The following KAZN variants were observed in gnomAD, a reference collection of about 807,000 sequenced individuals.
The protein encoded by KAZN is kazrin.
KAZN carries 40 observed loss-of-function variants against 87.4 expected under a neutral mutation model. The observed-to-expected ratio is 0.46, with a 90% CI of 0.36 to 0.60. KAZN has a LOEUF of 0.60. KAZN is among the 20% of genes least tolerant of loss of function. KAZN has a pLI of 0.00. For synonymous variants in KAZN, 466 were observed against 458.3 expected, an observed-to-expected ratio of 1.02 and a Z score of -0.22; for missense variants, 898 against 1,073.9, an observed-to-expected ratio of 0.84 and a Z score of 2.29.
Position 15,066,900 on chromosome 1 carries a change from T to C in KAZN, c.1222+1147T>C. On this transcript the variant is annotated intron_variant, in intron 8 of 14. Transcript: ENST00000376030. The surrounding 1 kb of genome is among the most constrained non-coding windows in gnomAD (Gnocchi z 4.3). ...ACCCAGAGCTCCCTCCAGGCCTTTC[T>C]CTATATATTTATTTATCTGACATAC... The C allele has an allele frequency of 1.0e-6, 1 of 985,424 alleles. No homozygotes were observed. Among genetic ancestry groups the C allele is most frequent in the Non-Finnish European group, 1.2e-6 (1 of 829,960 alleles). 61.0% of individuals were successfully genotyped at this position (985,424 alleles called of 1,614,324 possible).
At chr1:14,946,377 G>A (rs1661794313) in intron 1 of KAZN, among the ~76,000 whole-genome samples, 1 of 136,586 alleles carries the variant, frequency 7.3e-6, no homozygotes, top group Admixed American at 7.9e-5. Flanking sequence ...TCGCTCTGTT[G>A]CCCAGGCTGG....
rs534050664 is a variant in KAZN, at chr1:13,914,456, A to G, written c.91+20700A>G. Among the ~76,000 whole-genome samples the G allele has an allele frequency of 8.5e-5, 13 of 152,364 alleles. No individual in the cohort carries two copies. The East Asian group carries it at 2.3e-3, about 27-fold the overall frequency. The stretch of plus-strand genomic sequence containing the variant: ...TACTGATATTTGCTAAAGCTCCTGC[A>G]CAGGCAGCATCCTGGTGGGTGGGGT... On this transcript the variant is annotated intron_variant, in intron 1 of 16. Transcript: ENST00000636203.
intron 1 of KAZN, among the ~76,000 whole-genome samples, chr1:14,761,468 G>GC (rs1382739882): frequency 6.6e-6 from 1 of 152,142 alleles, no homozygotes; most frequent in African/African-American, 2.4e-5. Flanking sequence ...AGCATCCTCA[G>GC]CCCGTAGCAC....
At chr1:14,065,645 C>G (rs1322980372) in intron 1 of KAZN, among the ~76,000 whole-genome samples, 1 of 151,910 alleles carries the variant, frequency 6.6e-6, no homozygotes, top group Non-Finnish European at 1.5e-5. Context: ...TCCAATTACT[C>G]CAGCAGGTTC....
chr1:14,165,183 C>T lies in KAZN; in HGVS notation c.92-15252C>T, dbSNP rs116084569. The stretch of plus-strand genomic sequence containing the variant: ...GTCCTAAAATGTGAGCTATGGCTTT[C>T]AACTTTCCTGCCTCTTTAGGACATT... On this transcript the variant is annotated intron_variant, in intron 1 of 16. Transcript: ENST00000636203. Among the ~76,000 whole-genome samples the T allele has an allele frequency of 7.0e-3, 1,063 of 151,724 alleles. 7 individuals are homozygous for T. The highest frequency in any genetic ancestry group is 0.023 in the African/African-American group (972 of 41,370).
intron 2 of KAZN, among the ~76,000 whole-genome samples, chr1:15,012,192 G>C (rs570704903): frequency 6.6e-6 from 1 of 152,092 alleles, no homozygotes; most frequent in Non-Finnish European, 1.5e-5. Flanking sequence ...AGTGAGTAGA[G>C]AACACTCTAC....
At chr1:14,789,796 A>AAAAAAAAAAC (rs1553131826) in intron 1 of KAZN, among the ~76,000 whole-genome samples, 1 of 107,096 alleles carries the variant, frequency 9.3e-6, no homozygotes, top group African/African-American at 3.2e-5. Context: ...AAAAAAAAAA[A>AAAAAAAAAAC]ATCCCTAGAG....
intron 2 of KAZN, among the ~76,000 whole-genome samples, chr1:14,332,721 T>C (rs1255253581): frequency 1.3e-5 from 2 of 152,170 alleles, no homozygotes; most frequent in African/African-American, 4.8e-5. Flanking sequence ...TCTATCTGTT[T>C]GGCCTTGGGC....
At chr1:14,819,705 TC>T (rs1219741741) in intron 1 of KAZN, among the ~76,000 whole-genome samples, 172 of 124,312 alleles carry the variant, frequency 1.4e-3, no homozygotes, top group Middle Eastern at 3.8e-3. Context: ...TGAAAAAAAA[TC>T]TTTTTTTTTT....
chr1:14,935,776 G>A (rs1660384098), intron 1 of KAZN, among the ~76,000 whole-genome samples: 1 of 152,186 alleles, frequency 6.6e-6, no homozygotes, highest in Admixed American at 6.5e-5. Context: ...GCTACTGGAT[G>A]TGTCACTAGA....
chr1:14,006,819 T>C (rs1640058281), intron 1 of KAZN, among the ~76,000 whole-genome samples: 1 of 152,230 alleles, frequency 6.6e-6, no homozygotes, highest in South Asian at 2.1e-4. Flanking sequence ...GTATTTTTTT[T>C]CTGTGGTTCC....
chr1:14,604,390 C>T (rs1209770248), intron 1 of KAZN, among the ~76,000 whole-genome samples: 1 of 152,182 alleles, frequency 6.6e-6, no homozygotes, highest in Non-Finnish European at 1.5e-5. Context: ...CTCCAGTTCC[C>T]CTGCCACCAC....
At chr1:14,564,920 A>C (rs1350997091) in intron 2 of KAZN, among the ~76,000 whole-genome samples, 1 of 152,238 alleles carries the variant, frequency 6.6e-6, no homozygotes, top group Non-Finnish European at 1.5e-5. Context: ...GTTACATACA[A>C]TATCTGTGGG....
In KAZN at chr1:14,769,147, C is replaced by T. The variant is rs1310438489; in HGVS notation, c.226+169924C>T. ...TGGTTGGAGCCAAGCCCATCAAGGC[C>T]AGCAGCAGGAAGCAGAGCACCTTTG... On this transcript the variant is annotated intron_variant, in intron 1 of 14. Transcript: ENST00000376030. This position sits in a 1 kb window ranked among gnomAD's most constrained non-coding sequence, Gnocchi z 4.1. Among the ~76,000 whole-genome samples, 1 of 152,156 alleles carries T rather than the reference C, an allele frequency of 6.6e-6. No individual in the cohort carries two copies. The highest frequency in any genetic ancestry group is 2.4e-5 in the African/African-American group (1 of 41,444).
chr1:14,624,979 G>T (rs927033614), intron 1 of KAZN, among the ~76,000 whole-genome samples: 1 of 152,044 alleles, frequency 6.6e-6, no homozygotes, highest in African/African-American at 2.4e-5. Flanking sequence ...ATGAGGTGAT[G>T]TCTGGTTTTT....
rs35127542 is a variant in KAZN at position 13,899,644 on chromosome 1, C to CTT, written c.91+5904_91+5905dup. 4.9e-3 allele frequency among the ~76,000 whole-genome samples: 671 copies of CTT among 136,900 alleles called. 9 individuals are homozygous for CTT. Among genetic ancestry groups the CTT allele is most frequent in the African/African-American group, 0.014 (509 of 36,756 alleles). 89.8% of individuals were successfully genotyped at this position (136,900 alleles called of 152,430 possible). ...GTCAACAACTGTTATCTTGGTTGTC[C>CTT]TTTTTTTTTTTTTTTTTGAGGTGGA... On this transcript the variant is annotated intron_variant, in intron 1 of 16. Coordinates refer to the KAZN transcript ENST00000636203.
intron 2 of KAZN, among the ~76,000 whole-genome samples, chr1:14,501,897 T>C (rs1670275470): frequency 1.3e-5 from 2 of 152,356 alleles, no homozygotes; most frequent in Admixed American, 6.5e-5. Context: ...TTCACTTATA[T>C]GCAATATTGA....
In KAZN at chr1:14,125,014, AT is replaced by A. The variant is rs1197316314; in HGVS notation, c.92-55420del. On this transcript the variant is annotated intron_variant, in intron 1 of 16. Transcript: ENST00000636203. ...ATTGCAGTAGCGAGTGGATAGGGTAATGGGTGGTGAGGCCTCAGTAGCAAGA... is the reference window on the plus strand; with the variant it reads ...ATTGCAGTAGCGAGTGGATAGGGTAAGGGTGGTGAGGCCTCAGTAGCAAGA... Among the ~76,000 whole-genome samples, 3 of 152,234 alleles carry A rather than the reference AT, an allele frequency of 2.0e-5. No homozygotes were observed. In the East Asian group the frequency reaches 5.8e-4, roughly 29 times the overall value.
At chr1:14,437,570 T>C (rs1204131990) in intron 2 of KAZN, among the ~76,000 whole-genome samples, 1 of 152,220 alleles carries the variant, frequency 6.6e-6, no homozygotes, top group African/African-American at 2.4e-5. Flanking sequence ...CAATTTGCTG[T>C]ACTTTTATTA....
Sources: allele counts gnomAD v4.1 joint callset (sites outside exome capture counted in the v4.1 genomes callset), GRCh38; gene constraint gnomAD v4.1.1; non-coding constraint Gnocchi (gnomAD v3.1); transcripts MANE v1.5; gene names NCBI Gene and HGNC (gene_info 2026-07-23, HGNC 2026-07-21).